The following ATP6V1H variants were observed in gnomAD, a reference collection of about 807,000 sequenced individuals.
ATP6V1H encodes the protein ATPase H+ transporting V1 subunit H.
ATP6V1H carries 39 observed loss-of-function variants against 71.7 expected under a neutral mutation model. That is an observed-to-expected ratio of 0.54 (90% CI 0.42 to 0.71). The LOEUF is 0.71. Among genes scored for constraint, ATP6V1H ranks in the 30% least tolerant of loss-of-function variants. The probability of loss-of-function intolerance (pLI) is 0.00; values close to 1 mark genes in which losing one functional copy is unlikely to be tolerated. For synonymous variants in ATP6V1H, 192 were observed against 199.3 expected, an observed-to-expected ratio of 0.96 and a Z score of 0.31; for missense variants, 509 against 594.9, an observed-to-expected ratio of 0.86 and a Z score of 1.50.
chr8:53,728,145 T>G (rs1167329688), intron 13 of ATP6V1H, among the ~76,000 whole-genome samples: 1 of 152,212 alleles, frequency 6.6e-6, no homozygotes, highest in Non-Finnish European at 1.5e-5. Flanking sequence ...AGCCGCCTGT[T>G]CAGTCCTCTA....
intron 5 of ATP6V1H, among the ~76,000 whole-genome samples, chr8:53,815,389 T>C (rs1288568231): frequency 6.6e-6 from 1 of 152,246 alleles, no homozygotes; most frequent in Non-Finnish European, 1.5e-5. Flanking sequence ...CTATCAGTAC[T>C]GAGAGCAAAT....
At chr8:53,735,594 G>T (rs530574785) in intron 13 of ATP6V1H, among the ~76,000 whole-genome samples, 37 of 152,004 alleles carry the variant, frequency 2.4e-4, no homozygotes, top group African/African-American at 8.9e-4. Flanking sequence ...TTGTTCAGTC[G>T]GCCACCCCGC....
intron 3 of ATP6V1H, among the ~76,000 whole-genome samples, chr8:53,831,362 T>C (rs1007696157): frequency 3.3e-5 from 5 of 152,232 alleles, no homozygotes; most frequent in African/African-American, 9.6e-5. Context: ...AGTAAGTATG[T>C]GTGTGTCTAA....
chr8:53,832,894 G>C lies in ATP6V1H; in HGVS notation c.216+90C>G, dbSNP rs1415589318. ...TATAACGTTCTTTCCAAATTAGCAA[G>C]AAAACTGGAAGTCACTTATAATCAC... On this transcript the variant is annotated intron_variant, in intron 3 of 13. Transcript: ENST00000359530. 7.6e-6 allele frequency: 6 copies of C among 791,708 alleles called. No homozygotes were observed. In the East Asian group the frequency reaches 1.6e-4, roughly 21 times the overall value. 49.0% of individuals were successfully genotyped at this position (791,708 alleles called of 1,614,324 possible). A position where few individuals can be genotyped will look rare whatever the true frequency, so the allele number is the denominator to read the frequency against.
At chr8:53,784,776 T>C (rs1809307649) in intron 9 of ATP6V1H, among the ~76,000 whole-genome samples, 1 of 152,212 alleles carries the variant, frequency 6.6e-6, no homozygotes, top group Non-Finnish European at 1.5e-5. Context: ...GTAAATGATT[T>C]TATTTCTCCT....
At position 53,743,647 on chromosome 8, in the gene ATP6V1H, T is replaced by C; in HGVS notation, c.1321A>G (p.Met441Val). The change falls in exon 13 of 14, where the codon ATG (methionine) becomes GTG (valine). Residue 441 changes from methionine to valine, a missense_variant. By Grantham distance (21) the Met-to-Val change is conservative (BLOSUM62 1). Transcript: ENST00000359530. ...LGGKQLVMNHMHHEDQQVRYN... is the reference protein window; with the variant it reads ...LGGKQLVMNHVHHEDQQVRYN... ...CGGACCTGCTGGTCTTCATGATGCA[T>C]GTGGTTCATGACCAGCTGCTTCCCA... 5 of 1,613,718 alleles carry C rather than the reference T, an allele frequency of 3.1e-6. No individual in the cohort carries two copies. The highest frequency in any genetic ancestry group is 4.2e-6 in the Non-Finnish European group (5 of 1,179,884).
chr8:53,734,070 C>CT (rs1211994842), intron 13 of ATP6V1H, among the ~76,000 whole-genome samples: 2 of 152,190 alleles, frequency 1.3e-5, no homozygotes, highest in Non-Finnish European at 2.9e-5. Flanking sequence ...TGGGCAAAAC[C>CT]TGAACATAAA....
At chr8:53,718,655 C>G (rs1345644055) in intron 13 of ATP6V1H, among the ~76,000 whole-genome samples, 4 of 152,156 alleles carry the variant, frequency 2.6e-5, no homozygotes, top group Non-Finnish European at 5.9e-5. Context: ...CCCTAAAGTG[C>G]TGGGGTTACA....
At chr8:53,769,294 G>A (rs1277434391) in intron 11 of ATP6V1H, among the ~76,000 whole-genome samples, 1 of 152,036 alleles carries the variant, frequency 6.6e-6, no homozygotes. Flanking sequence ...TCTTCATCAA[G>A]ACACCATTAA....
chr8:53,727,717 C>G (rs760196421), intron 13 of ATP6V1H, among the ~76,000 whole-genome samples: 38 of 152,212 alleles, frequency 2.5e-4, no homozygotes, highest in African/African-American at 8.7e-4. Context: ...TTACATCTTA[C>G]TCCTGAACTC....
In ATP6V1H at chr8:53,728,717, T is replaced by C. The variant is rs573956125; in HGVS notation, c.1392-12693A>G. On this transcript the variant is annotated intron_variant, in intron 13 of 13. Coordinates refer to ENST00000359530, the MANE Select transcript of ATP6V1H (RefSeq NM_015941.4). ...GGCCAGCAAAGCACAAAGCCCTGCC[T>C]TCCTCCTCCTCATCACATGGGTCAG... Among the ~76,000 whole-genome samples the C allele has an allele frequency of 2.3e-3, 346 of 152,318 alleles. 2 individuals carry two copies. The highest frequency in any genetic ancestry group is 8.1e-3 in the African/African-American group (335 of 41,574).
At chr8:53,735,263 G>A (rs887053859) in intron 13 of ATP6V1H, among the ~76,000 whole-genome samples, 7 of 152,118 alleles carry the variant, frequency 4.6e-5, no homozygotes, top group Admixed American at 1.3e-4. Context: ...GAAAAAGCTC[G>A]TAAAGTAACC....
At chr8:53,784,813 A>C (rs1809309419) in intron 9 of ATP6V1H, among the ~76,000 whole-genome samples, 1 of 152,174 alleles carries the variant, frequency 6.6e-6, no homozygotes, top group South Asian at 2.1e-4. Context: ...GTTTGGCTGG[A>C]TATGAAATTC....
chr8:53,835,245 CAAGTGA>C (rs541010473), intron 2 of ATP6V1H, among the ~76,000 whole-genome samples: 48 of 152,172 alleles, frequency 3.2e-4, no homozygotes, highest in Non-Finnish European at 6.0e-4. Flanking sequence ...GATTCATGTA[CAAGTGA>C]TTTATGAAAG....
intron 12 of ATP6V1H, among the ~76,000 whole-genome samples, chr8:53,755,685 CA>C (rs1262490933): frequency 0.044 from 1,068 of 24,270 alleles, 136 homozygotes; most frequent in African/African-American, 0.15. Flanking sequence ...TACCAGCGTA[CA>C]TATATATATA....
At chr8:53,738,024 ATATCT>A (rs1212277332) in intron 13 of ATP6V1H, among the ~76,000 whole-genome samples, 1 of 152,214 alleles carries the variant, frequency 6.6e-6, no homozygotes, top group African/African-American at 2.4e-5. Context: ...AAAAACTTAA[ATATCT>A]TAGAGAGTGA....
intron 9 of ATP6V1H, among the ~76,000 whole-genome samples, chr8:53,787,460 T>C (rs952186964): frequency 3.3e-5 from 5 of 152,262 alleles, no homozygotes; most frequent in African/African-American, 1.2e-4. Flanking sequence ...TGCATGTTTA[T>C]GTCTAGTGAG....
At chr8:53,842,015 A>T (rs1811358431) in intron 1 of ATP6V1H, among the ~76,000 whole-genome samples, 1 of 152,208 alleles carries the variant, frequency 6.6e-6, no homozygotes, top group South Asian at 2.1e-4. Flanking sequence ...AGAAATCATG[A>T]TTAAATAGAA....
chr8:53,806,413 G>A (rs1810079986), intron 7 of ATP6V1H, among the ~76,000 whole-genome samples: 1 of 151,916 alleles, frequency 6.6e-6, no homozygotes, highest in Non-Finnish European at 1.5e-5. Context: ...CTAGTCAACA[G>A]TCATAAAATA....
Sources: gnomAD v4.1 joint callset for allele counts (sites outside exome capture counted in the v4.1 genomes callset) on GRCh38, gnomAD v4.1.1 for gene constraint, MANE v1.5 for transcripts, NCBI Gene and HGNC (gene_info 2026-07-23, HGNC 2026-07-21) for gene names.